PIK3R5: variants seen among roughly 807,000 people sequenced by gnomAD.
PIK3R5 encodes phosphoinositide 3-kinase regulatory subunit 5.
In PIK3R5, 32 loss-of-function variants were observed where a neutral mutation model predicts 94.9. That is an observed-to-expected ratio of 0.34 (90% confidence interval 0.25 to 0.45). The LOEUF (loss-of-function observed/expected upper bound fraction) is 0.45. Ranked by LOEUF, PIK3R5 falls within the 20% of genes least tolerant of loss-of-function variation. The pLI is 1.00. For synonymous variants in PIK3R5, 443 were observed against 479.4 expected, an observed-to-expected ratio of 0.92 and a Z score of 0.99; for missense variants, 853 against 1,144.6, an observed-to-expected ratio of 0.75 and a Z score of 3.68.
chr17:8,887,495 A>T (rs61761062), intron 11 of PIK3R5, 26 bp downstream of exon 11: 1 of 1,570,004 alleles, frequency 6.4e-7, no homozygotes, highest in Non-Finnish European at 8.6e-7. Flanking sequence ...ACTTTCCCCG[A>T]CCATTGGCCC....
chr17:8,921,745 G>A (rs994317625), intron 1 of PIK3R5, among the ~76,000 whole-genome samples: 3 of 152,104 alleles, frequency 2.0e-5, no homozygotes, highest in Non-Finnish European at 2.9e-5. Flanking sequence ...ATATTCTGGT[G>A]TTAGGAAGAT....
chr17:8,931,608 A>C (rs2090989002), intron 1 of PIK3R5, among the ~76,000 whole-genome samples: 1 of 152,280 alleles, frequency 6.6e-6, no homozygotes, highest in South Asian at 2.1e-4. Flanking sequence ...GAACTCTACA[A>C]ATGGCTGGAC....
chr17:8,899,511 A>G (rs2151389076), intron 5 of PIK3R5, among the ~76,000 whole-genome samples: 1 of 152,282 alleles, frequency 6.6e-6, no homozygotes, highest in South Asian at 2.1e-4. Flanking sequence ...CTATACACCC[A>G]TTTTACAGAT....
rs1223982268 is a variant in PIK3R5, at chr17:8,945,410, T to A, written c.-14+20186A>T. Among the ~76,000 whole-genome samples, 1 of 152,036 alleles carries A rather than the reference T, an allele frequency of 6.6e-6. No homozygotes were observed. Among genetic ancestry groups the A allele is most frequent in the African/African-American group, 2.4e-5 (1 of 41,372 alleles). On this transcript the variant is annotated intron_variant, in intron 1 of 18. Coordinates refer to ENST00000447110, the MANE Select transcript of PIK3R5 (RefSeq NM_001142633.3). This position sits in a 1 kb window ranked among gnomAD's most constrained non-coding sequence, Gnocchi z 4.0. ...TGAGAAACTGGTCCCAGGGCTGTAT[T>A]CCCTCCACCTGGCAGCCCCTTGGCT...
intron 1 of PIK3R5, among the ~76,000 whole-genome samples, chr17:8,939,662 C>G (rs1044019489): frequency 6.6e-6 from 1 of 152,176 alleles, no homozygotes; most frequent in South Asian, 2.1e-4. Context: ...TTTTTGCCTA[C>G]GTTCAAATGC....
At chr17:8,910,586 C>T (rs2090502786) in intron 2 of PIK3R5, among the ~76,000 whole-genome samples, 1 of 152,114 alleles carries the variant, frequency 6.6e-6, no homozygotes, top group African/African-American at 2.4e-5. Context: ...GTGGCCTGCG[C>T]AGGGTTGTAA....
rs2089779243 is a variant in PIK3R5 at position 8,884,992 on chromosome 17, G to A, written c.2129-209C>T. ...TCCTCAGTGACCCCATCACTCCAGG[G>A]CCCATCTCCGCTGTGATCACACATT... is the stretch of plus-strand genomic sequence containing the variant. On this transcript the variant is annotated intron_variant, in intron 14 of 18. Coordinates refer to ENST00000447110, the MANE Select transcript of PIK3R5 (RefSeq NM_001142633.3). The surrounding 1 kb of genome is among the most constrained non-coding windows in gnomAD (Gnocchi z 5.8). The A allele has an allele frequency of 1.7e-6, 1 of 572,742 alleles. No homozygotes were observed. The highest frequency in any genetic ancestry group is 2.9e-5 in the Admixed American group (1 of 35,030). The allele number at this position is 572,742 out of a possible 1,614,324, so 35.5% of individuals were successfully genotyped here. A position where few individuals can be genotyped will look rare whatever the true frequency, so the allele number is the denominator to read the frequency against.
At chr17:8,887,772 C>T in intron 10 of PIK3R5, 89 bp from the exon 11 acceptor site, 1 of 1,261,160 alleles carries the variant, frequency 7.9e-7, no homozygotes. Context: ...GTGGGTGGAT[C>T]ACCCGAGGCC....
chr17:8,946,895 A>G (rs558182660), intron 1 of PIK3R5, among the ~76,000 whole-genome samples: 1 of 152,108 alleles, frequency 6.6e-6, no homozygotes, highest in South Asian at 2.1e-4. Flanking sequence ...CTCCTGCCTT[A>G]CTTTTTCCCA....
chr17:8,884,700 G>A lies in PIK3R5; in HGVS notation c.2205+7C>T, dbSNP rs199915050. On this transcript the variant is annotated splice_region_variant and intron_variant, in intron 15 of 18. Transcript: ENST00000447110. The surrounding 1 kb of genome is among the most constrained non-coding windows in gnomAD (Gnocchi z 5.8). ...TGGAGGGGAAGGAGCCCCAGCACGG[G>A]TCTTACCTTGCTGTAAATAATCTGT... 1.1e-5 allele frequency: 17 copies of A among 1,604,736 alleles called. No homozygotes were observed. The highest frequency in any genetic ancestry group is 1.7e-4 in the Middle Eastern group (1 of 6,034).
At chr17:8,921,515 G>C (rs566651464) in intron 1 of PIK3R5, among the ~76,000 whole-genome samples, 1 of 152,172 alleles carries the variant, frequency 6.6e-6, no homozygotes, top group South Asian at 2.1e-4. Context: ...ACTGAAAAAT[G>C]GTCATACCAA....
chr17:8,881,746 G>C lies in PIK3R5; in HGVS notation c.2300-34C>G. On this transcript the variant is annotated intron_variant, in intron 16 of 18. Coordinates refer to ENST00000447110, the MANE Select transcript of PIK3R5 (RefSeq NM_001142633.3). This position sits in a 1 kb window ranked among gnomAD's most constrained non-coding sequence, Gnocchi z 4.8. The stretch of plus-strand genomic sequence containing the variant: ...CAAGGACACTCAGGCCAGGCTCAGA[G>C]CACCTCCCTACTGCACACCCCACAC... The C allele has an allele frequency of 6.2e-7, 1 of 1,612,664 alleles. No homozygotes were observed. The highest frequency in any genetic ancestry group is 1.1e-5 in the South Asian group (1 of 91,040).
At position 8,925,885 on chromosome 17, in the gene PIK3R5, C is replaced by T. The variant is rs1350348648; in HGVS notation, c.-13-14378G>A. Among the ~76,000 whole-genome samples, 1 of 152,264 alleles carries T rather than the reference C, an allele frequency of 6.6e-6. No homozygotes were observed. The highest frequency in any genetic ancestry group is 6.5e-5 in the Admixed American group (1 of 15,290). On this transcript the variant is annotated intron_variant, in intron 1 of 18. Transcript: ENST00000447110. This position sits in a 1 kb window ranked among gnomAD's most constrained non-coding sequence, Gnocchi z 5.1. The stretch of plus-strand genomic sequence containing the variant: ...AATTTGGGAGAGGAAAACAAGAGTC[C>T]TGCTTTGTCCGAGTTCTATCCCCTT...
In PIK3R5 at chr17:8,925,408, G is replaced by A. The variant is rs2090858189; in HGVS notation, c.-13-13901C>T. ...ATAGATAGTAGATGGAGAGATAGTA[G>A]ATGGATAGGTAGATAGTAGATGGAG... On this transcript the variant is annotated intron_variant, in intron 1 of 18. Transcript: ENST00000447110. This position sits in a 1 kb window ranked among gnomAD's most constrained non-coding sequence, Gnocchi z 5.1. Among the ~76,000 whole-genome samples the A allele has an allele frequency of 6.6e-6, 1 of 151,654 alleles. No individual in the cohort carries two copies. Among genetic ancestry groups the A allele is most frequent in the Admixed American group, 6.6e-5 (1 of 15,244 alleles).
Position 8,886,472 on chromosome 17 carries a change from C to A in PIK3R5, c.2034+5G>T, listed in dbSNP as rs780041746. 6.2e-7 allele frequency: 1 copy of A among 1,601,024 alleles called. No individual in the cohort carries two copies. The highest frequency in any genetic ancestry group is 8.5e-7 in the Non-Finnish European group (1 of 1,172,946). ...AAGAGGCGGTTCGGGGCAGGGAGGC[C>A]TTACCTCGGTCTGATAGACTTGCAG... is the stretch of plus-strand genomic sequence containing the variant. On this transcript the variant is annotated splice_donor_5th_base_variant and intron_variant, in intron 13 of 18. Coordinates refer to ENST00000447110, the MANE Select transcript of PIK3R5 (RefSeq NM_001142633.3).
rs181339856 is a variant in PIK3R5 at position 8,905,211 on chromosome 17, T to C, written c.274-296A>G. ...GGTAAATGGTGCCATTGCTGACACTTGTTATGGATAATGGTCTTCAATGCC... is the reference window on the plus strand; with the variant it reads ...GGTAAATGGTGCCATTGCTGACACTCGTTATGGATAATGGTCTTCAATGCC... On this transcript the variant is annotated intron_variant, in intron 4 of 18. Transcript: ENST00000447110. 5.2e-5 allele frequency among the ~76,000 whole-genome samples: 8 copies of C among 152,382 alleles called. No individual in the cohort carries two copies. The East Asian group carries it at 1.5e-3, about 29-fold the overall frequency.
Position 8,888,283 on chromosome 17 carries a change from G to A in PIK3R5, c.1504C>T (p.Arg502Cys), listed in dbSNP as rs553912690. 43 of 1,613,250 alleles carry A rather than the reference G, an allele frequency of 2.7e-5. No individual in the cohort carries two copies. In the South Asian group the frequency reaches 3.8e-4, roughly 14 times the overall value. ...LLAPASRPQRRRPFLSGDEDP... is the reference protein window; with the variant it reads ...LLAPASRPQRCRPFLSGDEDP... ...TCATCTCCACTCAGGAAGGGGCGGC[G>A]GCGCTGGGGGCGTGAAGCAGGGGCC... The change falls in exon 10 of 19, where the codon CGC (arginine) becomes TGC (cysteine). Residue 502 changes from arginine (R) to cysteine (C), a missense_variant. Arg to Cys is a radical substitution (Grantham distance 180, BLOSUM62 -3). Transcript: ENST00000447110. The surrounding 1 kb of genome is among the most constrained non-coding windows in gnomAD (Gnocchi z 7.8).
At position 8,893,064 on chromosome 17, in the gene PIK3R5, GTGTGTGTGTGTGTGTGTGTGTT is replaced by G. The variant is rs913082634; in HGVS notation, c.482+500_482+521del. 3.6e-5 allele frequency among the ~76,000 whole-genome samples: 5 copies of G among 138,702 alleles called. No individual in the cohort carries two copies. The highest frequency in any genetic ancestry group is 2.1e-4 in the Admixed American group (3 of 14,440). The allele number at this position is 138,702 out of a possible 152,430, so 91.0% of individuals were successfully genotyped here. ...ATTTCAGCTGTGTGTGTGTGTGTGT[GTGTGTGTGTGTGTGTGTGTGTT>G]TGTGTATCAGGCTGTCATATAAAAT... On this transcript the variant is annotated intron_variant, in intron 6 of 18. Transcript: ENST00000447110. This position sits in a 1 kb window ranked among gnomAD's most constrained non-coding sequence, Gnocchi z 5.1.
Position 8,890,375 on chromosome 17 carries a change from A to T in PIK3R5, c.658-249T>A, listed in dbSNP as rs559203743. Among the ~76,000 whole-genome samples the T allele has an allele frequency of 6.6e-6, 1 of 152,102 alleles. No individual in the cohort carries two copies. Among genetic ancestry groups the T allele is most frequent in the Non-Finnish European group, 1.5e-5 (1 of 68,002 alleles). On this transcript the variant is annotated intron_variant, in intron 7 of 18. Transcript: ENST00000447110. This position sits in a 1 kb window ranked among gnomAD's most constrained non-coding sequence, Gnocchi z 6.1. ...GAGGGACTTCAGCGCTCCTCACTGT[A>T]CCCCATAGAGGGGAAGGAGCTGTGT...
Sources: allele counts gnomAD v4.1 joint callset (sites outside exome capture counted in the v4.1 genomes callset), GRCh38; gene constraint gnomAD v4.1.1; non-coding constraint Gnocchi (gnomAD v3.1); transcripts MANE v1.5; gene names NCBI Gene and HGNC (gene_info 2026-07-23, HGNC 2026-07-21).